MNAT1: variants seen among roughly 807,000 people sequenced by gnomAD.
MNAT1 encodes the protein MNAT1 component of CDK activating kinase, also known as CDK-activating kinase assembly factor MAT1.
Under a neutral mutation model 42.0 loss-of-function variants are expected in MNAT1, and 43 were observed. That is an observed-to-expected ratio of 1.02 (90% confidence interval 0.80 to 1.32). MNAT1 has a LOEUF of 1.32. MNAT1 is among the 40% of genes most tolerant of loss of function. The pLI, the probability that MNAT1 is intolerant of heterozygous loss-of-function variation, is 0.00. For missense variants in MNAT1, 306 were observed against 350.4 expected (o/e 0.87, Z 1.01); for synonymous variants, 118 against 120.0 (o/e 0.98, Z 0.11).
chr14:60,818,793 A>T lies in MNAT1; in HGVS notation c.633A>T (p.Gln211His). 1 of 1,612,926 alleles carries T rather than the reference A, an allele frequency of 6.2e-7. No homozygotes were observed. Among genetic ancestry groups the T allele is most frequent in the Non-Finnish European group, 8.5e-7 (1 of 1,179,176 alleles). ...ATAGATCTACCCAATTAGAAATGCA[A>T]CTTGAGAAACCCAAACCTGTAAAAC... ...HKDRSTQLEM[Q>H]LEKPKPVKPV... Residue 211 changes from glutamine to histidine, a missense_variant, in exon 6 of 8, where the codon CAA (glutamine) becomes CAT (histidine). Gln to His is a conservative substitution (Grantham distance 24). This residue lies in a region of MNAT1 where 116 missense variants were observed against 139.6 expected (regional missense o/e 0.83). Transcript: ENST00000261245.
intron 6 of MNAT1, among the ~76,000 whole-genome samples, chr14:60,876,223 T>C (rs2034433268): frequency 6.6e-6 from 1 of 152,104 alleles, no homozygotes. Context: ...AATTGGATTA[T>C]TCTATGATAG....
At chr14:60,958,645 T>TC (rs2036529237) in intron 7 of MNAT1, among the ~76,000 whole-genome samples, 1 of 138,282 alleles carries the variant, frequency 7.2e-6, no homozygotes, top group African/African-American at 2.7e-5. Context: ...TTTTTTTTTT[T>TC]TTTTTTTTTG....
chr14:60,965,412 T>C (rs1004529269), intron 7 of MNAT1, among the ~76,000 whole-genome samples: 2 of 152,218 alleles, frequency 1.3e-5, no homozygotes, highest in African/African-American at 2.4e-5. Flanking sequence ...TATGGAAACA[T>C]GGCCATAAAT....
At chr14:60,865,091 A>G (rs942959138) in intron 6 of MNAT1, among the ~76,000 whole-genome samples, 2 of 152,006 alleles carry the variant, frequency 1.3e-5, no homozygotes, top group Admixed American at 1.3e-4. Flanking sequence ...CATACCAACT[A>G]CTGTACTAGG....
intron 5 of MNAT1, among the ~76,000 whole-genome samples, chr14:60,817,843 G>A (rs915148704): frequency 1.3e-5 from 2 of 151,754 alleles, no homozygotes; most frequent in African/African-American, 4.8e-5. Flanking sequence ...CTTCATCTCT[G>A]TTTATGATAC....
At chr14:60,784,165 A>G (rs1336169874) in intron 1 of MNAT1, among the ~76,000 whole-genome samples, 1 of 114,200 alleles carries the variant, frequency 8.8e-6, no homozygotes, top group African/African-American at 3.3e-5. Context: ...GATACGTGCC[A>G]CCATGCCTGG....
intron 1 of MNAT1, among the ~76,000 whole-genome samples, chr14:60,776,034 C>T (rs1453906640): frequency 6.6e-6 from 1 of 152,176 alleles, no homozygotes; most frequent in African/African-American, 2.4e-5. Context: ...TGCTCAGATA[C>T]AGTCATGGAC....
rs550874498 is a variant in MNAT1 at position 60,865,840 on chromosome 14, T to C, written c.688-13874T>C. Among the ~76,000 whole-genome samples, 105 of 152,252 alleles carry C rather than the reference T, an allele frequency of 6.9e-4. 1 individual carries two copies. The highest frequency in any genetic ancestry group is 5.0e-3 in the South Asian group (24 of 4,826). On this transcript the variant is annotated intron_variant, in intron 6 of 7. Coordinates refer to ENST00000261245, the MANE Select transcript of MNAT1 (RefSeq NM_002431.4). ...ATGTTTGCCTAGTGTTTCTTCTTCC[T>C]TCCATTCCCTCTTTGTATTCTGGCT...
chr14:60,803,886 A>G (rs2032286573), intron 3 of MNAT1, among the ~76,000 whole-genome samples: 1 of 152,236 alleles, frequency 6.6e-6, no homozygotes, highest in Admixed American at 6.5e-5. Flanking sequence ...ACACATGAAG[A>G]TGGACTTTCT....
intron 7 of MNAT1, among the ~76,000 whole-genome samples, chr14:60,905,180 A>G (rs1309617910): frequency 6.6e-6 from 1 of 151,864 alleles, no homozygotes; most frequent in Non-Finnish European, 1.5e-5. Context: ...AGAGGAGTAA[A>G]TGTCTACTAT....
At chr14:60,913,178 A>G (rs2035421720) in intron 7 of MNAT1, among the ~76,000 whole-genome samples, 1 of 151,898 alleles carries the variant, frequency 6.6e-6, no homozygotes, top group African/African-American at 2.4e-5. Flanking sequence ...CAGCTCCATT[A>G]GTTCCTTTAA....
intron 6 of MNAT1, among the ~76,000 whole-genome samples, chr14:60,838,294 C>G (rs927913091): frequency 1.6e-4 from 25 of 152,008 alleles, no homozygotes; most frequent in African/African-American, 5.6e-4. Flanking sequence ...CACCACCACA[C>G]CTGGCGAATT....
intron 7 of MNAT1, among the ~76,000 whole-genome samples, chr14:60,923,517 TAC>T (rs1264422262): frequency 6.6e-6 from 1 of 152,246 alleles, no homozygotes; most frequent in Non-Finnish European, 1.5e-5. Context: ...CTTTAAATGA[TAC>T]ATGTTTATCC....
chr14:60,768,625 C>T (rs1044370254), intron 1 of MNAT1, among the ~76,000 whole-genome samples: 7 of 152,168 alleles, frequency 4.6e-5, no homozygotes, highest in African/African-American at 1.7e-4. Flanking sequence ...GTGTCCTAGG[C>T]ATAATGCTGA....
chr14:60,885,765 A>G (rs918653929), intron 7 of MNAT1, among the ~76,000 whole-genome samples: 2 of 151,900 alleles, frequency 1.3e-5, no homozygotes, highest in Non-Finnish European at 2.9e-5. Flanking sequence ...AGAGCTTTTT[A>G]GTTTGATGTA....
intron 7 of MNAT1, among the ~76,000 whole-genome samples, chr14:60,908,194 CTTA>C (rs2035256069): frequency 2.6e-5 from 4 of 152,084 alleles, no homozygotes; most frequent in African/African-American, 7.2e-5. Flanking sequence ...TAGTTTGTTA[CTTA>C]TTTCTTTCAT....
intron 7 of MNAT1, among the ~76,000 whole-genome samples, chr14:60,897,875 TA>T (rs2034990490): frequency 6.6e-6 from 1 of 152,182 alleles, no homozygotes; most frequent in Non-Finnish European, 1.5e-5. Flanking sequence ...ACTCATTCAC[TA>T]ACCTCTCTTT....
intron 1 of MNAT1, among the ~76,000 whole-genome samples, chr14:60,795,178 A>C (rs1283226313): frequency 2.0e-5 from 3 of 152,190 alleles, no homozygotes; most frequent in Non-Finnish European, 2.9e-5. Flanking sequence ...TTATAAATCA[A>C]GCCACATCCT....
chr14:60,860,066 A>G (rs984675163), intron 6 of MNAT1, among the ~76,000 whole-genome samples: 4 of 152,156 alleles, frequency 2.6e-5, no homozygotes, highest in South Asian at 2.1e-4. Flanking sequence ...TGTGTTTTGT[A>G]TATTGTCAGT....
Sources: allele counts gnomAD v4.1 joint callset (sites outside exome capture counted in the v4.1 genomes callset), GRCh38; gene constraint gnomAD v4.1.1; regional missense constraint gnomAD v4.1.1; transcripts MANE v1.5; gene names NCBI Gene and HGNC (gene_info 2026-07-23, HGNC 2026-07-21).